HSD17B12: variants seen among roughly 807,000 people sequenced by gnomAD.
HSD17B12 encodes the protein hydroxysteroid 17-beta dehydrogenase 12, also known as very-long-chain 3-oxoacyl-CoA reductase.
In HSD17B12, 32 loss-of-function variants were observed where a neutral mutation model predicts 39.3. The observed-to-expected ratio is 0.81, with a 90% confidence interval of 0.61 to 1.09. HSD17B12 has a LOEUF of 1.09. Ranked by LOEUF, HSD17B12 falls within the 50% of genes least tolerant of loss-of-function variation. The probability of loss-of-function intolerance (pLI) is 0.00; values close to 1 mark genes in which losing one functional copy is unlikely to be tolerated. For synonymous variants in HSD17B12, 150 were observed against 146.7 expected, an observed-to-expected ratio of 1.02 and a Z score of -0.16; for missense variants, 342 against 382.9, an observed-to-expected ratio of 0.89 and a Z score of 0.89.
the HSD17B12 span, among the ~76,000 whole-genome samples, chr11:43,650,988 C>T: frequency 6.6e-6 from 1 of 152,212 alleles, no homozygotes. Flanking sequence ...TTGTTTCAGA[C>T]ACGCACTGAG....
At chr11:43,595,174 GT>G in the HSD17B12 span, among the ~76,000 whole-genome samples, 1 of 152,228 alleles carries the variant, frequency 6.6e-6, no homozygotes, top group Non-Finnish European at 1.5e-5. Flanking sequence ...AGGGCTCCAT[GT>G]ATCCTTCAGA....
intron 3 of HSD17B12, among the ~76,000 whole-genome samples, chr11:43,766,378 C>G (rs1478822777): frequency 6.6e-6 from 1 of 152,154 alleles, no homozygotes; most frequent in Non-Finnish European, 1.5e-5. Flanking sequence ...GGACTTCTGT[C>G]ATGCATTCTT....
chr11:43,715,141 G>T (rs962807065), intron 1 of HSD17B12, among the ~76,000 whole-genome samples: 1 of 151,894 alleles, frequency 6.6e-6, no homozygotes, highest in Non-Finnish European at 1.5e-5. Context: ...GATTGCCCTC[G>T]CCAGAACTTC....
rs1951398362 is a variant in HSD17B12 at position 43,839,071 on chromosome 11, T to C, written c.618+673T>C. Among the ~76,000 whole-genome samples, 3 of 152,218 alleles carry C rather than the reference T, an allele frequency of 2.0e-5. No individual in the cohort carries two copies. In the South Asian group the frequency reaches 6.2e-4, roughly 32 times the overall value. On this transcript the variant is annotated intron_variant, in intron 8 of 10. Transcript: ENST00000278353. ...CATCTTCAGATACATTGTTGAGGCA[T>C]TGAATACATCTCTGAAGGGAAAATG...
chr11:43,584,998 C>T, the HSD17B12 span, among the ~76,000 whole-genome samples: 1 of 152,112 alleles, frequency 6.6e-6, no homozygotes, highest in South Asian at 2.1e-4. Flanking sequence ...TCAATGGGGC[C>T]CACTCTTCCT....
intron 1 of HSD17B12, among the ~76,000 whole-genome samples, chr11:43,736,561 G>A (rs1950318318): frequency 6.6e-6 from 1 of 152,186 alleles, no homozygotes; most frequent in Non-Finnish European, 1.5e-5. Context: ...GAAGAAAGAT[G>A]TGTGCTTCCT....
the HSD17B12 span, among the ~76,000 whole-genome samples, chr11:43,654,223 G>C: frequency 2.0e-5 from 3 of 152,062 alleles, no homozygotes; most frequent in East Asian, 5.8e-4. Context: ...ATATCCTTCG[G>C]CCACTTTTTG....
intron 1 of HSD17B12, among the ~76,000 whole-genome samples, chr11:43,742,750 T>G (rs113637197): frequency 1.3e-4 from 19 of 151,726 alleles, no homozygotes; most frequent in African/African-American, 1.9e-4. Flanking sequence ...TCCAGTTTTT[T>G]TGTGTGTGTG....
intron 1 of HSD17B12, among the ~76,000 whole-genome samples, chr11:43,716,177 C>T (rs757059861): frequency 5.3e-5 from 8 of 152,090 alleles, no homozygotes; most frequent in Non-Finnish European, 1.2e-4. Flanking sequence ...TGTCTCAAAC[C>T]CTGAAGGTTT....
intron 3 of HSD17B12, among the ~76,000 whole-genome samples, chr11:43,755,703 T>C (rs549600393): frequency 6.6e-6 from 1 of 152,354 alleles, no homozygotes; most frequent in Non-Finnish European, 1.5e-5. Flanking sequence ...TCACATGTAT[T>C]GTCTCCTTTG....
At chr11:43,709,703 A>G (rs1950047619) in intron 1 of HSD17B12, among the ~76,000 whole-genome samples, 1 of 152,250 alleles carries the variant, frequency 6.6e-6, no homozygotes, top group African/African-American at 2.4e-5. Context: ...TTAAGTAGAT[A>G]TAAACAAGAA....
chr11:43,661,209 C>T, the HSD17B12 span, among the ~76,000 whole-genome samples: 2 of 152,134 alleles, frequency 1.3e-5, no homozygotes, highest in Non-Finnish European at 1.5e-5. Flanking sequence ...AGAAGCCAGA[C>T]ACAAAAAACC....
intron 3 of HSD17B12, among the ~76,000 whole-genome samples, chr11:43,770,804 A>G (rs1010097424): frequency 1.2e-4 from 18 of 152,200 alleles, no homozygotes; most frequent in African/African-American, 3.4e-4. Flanking sequence ...CAGGACATCT[A>G]AAGAGAAATT....
At chr11:43,595,826 T>TAC in the HSD17B12 span, among the ~76,000 whole-genome samples, 103 of 152,166 alleles carry the variant, frequency 6.8e-4, 1 homozygote, top group South Asian at 0.02. Context: ...AGAACACACA[T>TAC]ACACACACAG....
chr11:43,648,561 A>C, the HSD17B12 span, among the ~76,000 whole-genome samples: 1 of 152,186 alleles, frequency 6.6e-6, no homozygotes, highest in East Asian at 1.9e-4. Flanking sequence ...ATAATGTGAA[A>C]ATTTTATTAG....
chr11:43,839,781 G>A (rs1384090016), intron 8 of HSD17B12, among the ~76,000 whole-genome samples: 8 of 152,080 alleles, frequency 5.3e-5, no homozygotes, highest in Non-Finnish European at 1.2e-4. Context: ...ATTTGATCTG[G>A]ATATTATATT....
intron 9 of HSD17B12, among the ~76,000 whole-genome samples, chr11:43,843,266 CA>C (rs531788520): frequency 5.9e-5 from 9 of 151,398 alleles, no homozygotes; most frequent in African/African-American, 2.2e-4. Flanking sequence ...ATCAAAGGGG[CA>C]AAAAAAATGT....
the HSD17B12 span, among the ~76,000 whole-genome samples, chr11:43,658,383 C>G: frequency 2.6e-5 from 4 of 152,176 alleles, no homozygotes; most frequent in African/African-American, 4.8e-5. Context: ...AAGCCTTCTT[C>G]CCTCAACTTG....
At chr11:43,839,688 T>C (rs1157268101) in intron 8 of HSD17B12, among the ~76,000 whole-genome samples, 3 of 152,138 alleles carry the variant, frequency 2.0e-5, no homozygotes, top group African/African-American at 7.2e-5. Flanking sequence ...TCTTTTGTTA[T>C]ATAAGAGAAA....
Sources: allele counts gnomAD v4.1 joint callset (sites outside exome capture counted in the v4.1 genomes callset), GRCh38; gene constraint gnomAD v4.1.1; transcripts MANE v1.5; gene names NCBI Gene and HGNC (gene_info 2026-07-23, HGNC 2026-07-21).